The following GAS7 variants were observed in gnomAD, a reference collection of about 807,000 sequenced individuals.
GAS7 encodes the protein growth arrest specific 7, also known as growth arrest-specific protein 7.
In GAS7, 28 loss-of-function variants were observed where a neutral mutation model predicts 71.1. That is an observed-to-expected ratio of 0.39 (90% confidence interval 0.29 to 0.54). The LOEUF (loss-of-function observed/expected upper bound fraction) is 0.54, where lower values mean the gene tolerates loss of function less well. Among genes scored for constraint, GAS7 ranks in the 20% least tolerant of loss-of-function variants. The probability of loss-of-function intolerance (pLI) is 0.62; values close to 1 mark genes in which losing one functional copy is unlikely to be tolerated. For missense variants in GAS7, 436 were observed against 627.8 expected, an observed-to-expected ratio of 0.69 and a Z score of 3.27; for synonymous variants, 258 against 245.8, an observed-to-expected ratio of 1.05 and a Z score of -0.46.
chr17:10,019,358 C>T (rs1390194279), intron 2 of GAS7, among the ~76,000 whole-genome samples: 1 of 152,170 alleles, frequency 6.6e-6, no homozygotes, highest in Non-Finnish European at 1.5e-5. Flanking sequence ...TGTATTGAAG[C>T]TTCAAGATCA....
At chr17:10,184,925 CTTTT>C (rs58498116) in intron 1 of GAS7, among the ~76,000 whole-genome samples, 3 of 130,860 alleles carry the variant, frequency 2.3e-5, no homozygotes, top group Non-Finnish European at 1.6e-5. Flanking sequence ...TATAAAAACT[CTTTT>C]TTTTTTTTTT....
intron 1 of GAS7, among the ~76,000 whole-genome samples, chr17:10,134,591 C>G (rs2074024317): frequency 6.6e-6 from 1 of 152,216 alleles, no homozygotes; most frequent in South Asian, 2.1e-4. Flanking sequence ...GGCCCTTTCT[C>G]TTATCCTGAA....
rs575893237 is a variant in GAS7, at chr17:10,165,887, C to T, written c.183+32321G>A. Among the ~76,000 whole-genome samples, 3 of 152,282 alleles carry T rather than the reference C, an allele frequency of 2.0e-5. No individual in the cohort carries two copies. The East Asian group carries it at 5.8e-4, about 29-fold the overall frequency. On this transcript the variant is annotated intron_variant, in intron 1 of 13. Transcript: ENST00000432992. ...ATCCAAAGGCAACACCCAGAGGGTC[C>T]CACCCAGGCCTCAGGATGCCTCCCT... is the stretch of plus-strand genomic sequence containing the variant.
chr17:10,009,890 A>G (rs935798442), intron 2 of GAS7, among the ~76,000 whole-genome samples: 1 of 152,124 alleles, frequency 6.6e-6, no homozygotes, highest in African/African-American at 2.4e-5. Context: ...AAAGATGCAT[A>G]GGTTTCCCTT....
chr17:10,101,434 A>C (rs1456445493), intron 1 of GAS7, among the ~76,000 whole-genome samples: 5 of 152,242 alleles, frequency 3.3e-5, no homozygotes, highest in Non-Finnish European at 1.5e-5. Flanking sequence ...ATTCTGTCAT[A>C]TCTATTGTTA....
intron 5 of GAS7, among the ~76,000 whole-genome samples, chr17:9,953,162 C>T (rs2069090389): frequency 1.3e-5 from 2 of 151,934 alleles, no homozygotes; most frequent in East Asian, 3.9e-4. Context: ...TACTATGCAG[C>T]TGTAACAAAG....
chr17:10,132,730 T>C (rs1258942862), intron 1 of GAS7, among the ~76,000 whole-genome samples: 1 of 151,670 alleles, frequency 6.6e-6, no homozygotes, highest in Non-Finnish European at 1.5e-5. Context: ...ATTGTACCAG[T>C]CTGGGCGACA....
intron 1 of GAS7, among the ~76,000 whole-genome samples, chr17:10,164,602 TGGCA>T (rs1248699415): frequency 6.6e-6 from 1 of 150,754 alleles, no homozygotes; most frequent in Non-Finnish European, 1.5e-5. Flanking sequence ...GAGTTCAAGG[TGGCA>T]GTGAGCCATG....
intron 4 of GAS7, among the ~76,000 whole-genome samples, chr17:9,967,615 T>TTTTA (rs2069775230): frequency 5.1e-5 from 2 of 39,328 alleles, no homozygotes; most frequent in Non-Finnish European, 1.1e-4. Context: ...TGTGTCCTAC[T>TTTTA]TTTTTTTTAC....
chr17:10,098,438 C>T (rs1302213595), intron 1 of GAS7, among the ~76,000 whole-genome samples: 3 of 152,180 alleles, frequency 2.0e-5, no homozygotes, highest in East Asian at 1.9e-4. Flanking sequence ...ATGAACCTAA[C>T]GAGGATGCAG....
intron 4 of GAS7, among the ~76,000 whole-genome samples, chr17:9,968,263 G>A (rs571681744): frequency 2.0e-5 from 3 of 152,338 alleles, no homozygotes; most frequent in Non-Finnish European, 4.4e-5. Context: ...GCAGAGGAGA[G>A]AAGGAGACCG....
At chr17:10,072,083 C>A (rs996639297) in intron 1 of GAS7, among the ~76,000 whole-genome samples, 1 of 152,134 alleles carries the variant, frequency 6.6e-6, no homozygotes, top group Non-Finnish European at 1.5e-5. Context: ...TAGTCTGCAA[C>A]CCTGGCTGCC....
At chr17:10,029,630 G>GA in intron 1 of GAS7, among the ~76,000 whole-genome samples, 1 of 152,192 alleles carries the variant, frequency 6.6e-6, no homozygotes, top group East Asian at 1.9e-4. Flanking sequence ...AAGGTAGGGG[G>GA]ATCACTTGAG....
chr17:10,097,036 C>T lies in GAS7; in HGVS notation c.184-77139G>A, dbSNP rs1342221726. On this transcript the variant is annotated intron_variant, in intron 1 of 13. Coordinates refer to ENST00000432992, the MANE Select transcript of GAS7 (RefSeq NM_201433.2). ...TACCCCAAAAAACTTTTCAAGCCAGCTGCCTTATTTAATTCCCAAGCATTC... is the reference window on the plus strand; with the variant it reads ...TACCCCAAAAAACTTTTCAAGCCAGTTGCCTTATTTAATTCCCAAGCATTC... Among the ~76,000 whole-genome samples, 3 of 152,226 alleles carry T rather than the reference C, an allele frequency of 2.0e-5. No homozygotes were observed. The East Asian group carries it at 5.8e-4, about 29-fold the overall frequency.
intron 1 of GAS7, among the ~76,000 whole-genome samples, chr17:10,194,572 T>C (rs969277011): frequency 6.6e-6 from 1 of 152,188 alleles, no homozygotes; most frequent in Admixed American, 6.5e-5. Flanking sequence ...GGTTCCCAGG[T>C]CTATGGAGGC....
intron 1 of GAS7, among the ~76,000 whole-genome samples, chr17:10,102,203 CGTAA>C (rs2073708290): frequency 9.3e-6 from 1 of 107,004 alleles, no homozygotes; most frequent in African/African-American, 3.7e-5. Context: ...AAAGAGTGCC[CGTAA>C]AAAAAAAAAA....
chr17:9,978,114 T>G, intron 3 of GAS7, among the ~76,000 whole-genome samples: 1 of 152,018 alleles, frequency 6.6e-6, no homozygotes, highest in Non-Finnish European at 1.5e-5. Context: ...ATCGGGAGGC[T>G]GAGGTGAGAG....
chr17:9,951,905 C>T (rs2069034355), intron 5 of GAS7, among the ~76,000 whole-genome samples: 1 of 152,044 alleles, frequency 6.6e-6, no homozygotes, highest in Admixed American at 6.6e-5. Flanking sequence ...GTTGACTTAC[C>T]CTCAGAGTGA....
intron 1 of GAS7, among the ~76,000 whole-genome samples, chr17:10,061,022 G>A (rs2073214162): frequency 6.6e-6 from 1 of 152,196 alleles, no homozygotes; most frequent in Non-Finnish European, 1.5e-5. Flanking sequence ...TAAGCTGAGG[G>A]CTAGAGAGTG....
Sources: allele counts gnomAD v4.1 joint callset (sites outside exome capture counted in the v4.1 genomes callset), GRCh38; gene constraint gnomAD v4.1.1; transcripts MANE v1.5; gene names NCBI Gene and HGNC (gene_info 2026-07-23, HGNC 2026-07-21).